LAMA2: variants seen among roughly 807,000 people sequenced by gnomAD.
LAMA2 encodes laminin subunit alpha-2.
LAMA2 carries 269 observed loss-of-function variants against 364.8 expected under a neutral mutation model. The ratio of observed to expected loss-of-function variants is 0.74; its 90% CI spans 0.67 to 0.82. The LOEUF is 0.82. Ranked by LOEUF, LAMA2 falls within the 40% of genes least tolerant of loss-of-function variation. The probability of loss-of-function intolerance (pLI) is 0.00; values close to 1 mark genes in which losing one functional copy is unlikely to be tolerated. For missense variants in LAMA2, 3,807 were observed against 3,873.2 expected, an observed-to-expected ratio of 0.98 and a Z score of 0.45; for synonymous variants, 1,379 against 1,370.6, an observed-to-expected ratio of 1.01 and a Z score of -0.14.
At chr6:129,343,886 TG>T (rs928408419) in intron 30 of LAMA2, among the ~76,000 whole-genome samples, 25 of 152,128 alleles carry the variant, frequency 1.6e-4, no homozygotes, top group African/African-American at 5.6e-4. Flanking sequence ...GGATTTTCAC[TG>T]GTGGGAATAG....
intron 7 of LAMA2, among the ~76,000 whole-genome samples, chr6:129,152,098 A>G (rs1393111088): frequency 6.6e-6 from 1 of 152,244 alleles, no homozygotes; most frequent in African/African-American, 2.4e-5. Context: ...GAGATCTTAC[A>G]TATCAATAAG....
intron 1 of LAMA2, among the ~76,000 whole-genome samples, chr6:128,987,418 G>T (rs2114652333): frequency 6.6e-6 from 1 of 152,206 alleles, no homozygotes; most frequent in South Asian, 2.1e-4. Flanking sequence ...TGGGATTACA[G>T]TTGTGAGCTA....
intron 1 of LAMA2, among the ~76,000 whole-genome samples, chr6:129,022,400 T>C (rs191046194): frequency 1.2e-4 from 18 of 152,292 alleles, no homozygotes; most frequent in African/African-American, 3.1e-4. Context: ...ATTGGCAGGC[T>C]CTCATTGTGT....
chr6:129,071,842 T>C (rs1582988423), intron 3 of LAMA2, among the ~76,000 whole-genome samples: 1 of 152,130 alleles, frequency 6.6e-6, no homozygotes, highest in Non-Finnish European at 1.5e-5. Flanking sequence ...TTGAAAACAA[T>C]GTGGACCAGT....
rs535392800 is a variant in LAMA2, at chr6:129,248,686, A to C, written c.1783-1426A>C. The stretch of plus-strand genomic sequence containing the variant: ...TTCAAACGTATTTATTAATTTAGAA[A>C]ATTCTAAATAGTTCAGTCCTTGTTT... On this transcript the variant is annotated intron_variant, in intron 12 of 64. Coordinates refer to ENST00000421865, the MANE Select transcript of LAMA2 (RefSeq NM_000426.4). Among the ~76,000 whole-genome samples, 3 of 152,332 alleles carry C rather than the reference A, an allele frequency of 2.0e-5. No individual in the cohort carries two copies. In the South Asian group the frequency reaches 6.2e-4, roughly 32 times the overall value.
chr6:129,441,629 T>A (rs777611401), intron 43 of LAMA2, among the ~76,000 whole-genome samples: 1 of 152,072 alleles, frequency 6.6e-6, no homozygotes, highest in Non-Finnish European at 1.5e-5. Context: ...ATTAGTTAAA[T>A]ATAGTCAAAA....
At chr6:129,504,291 G>C (rs961253652) in intron 60 of LAMA2, among the ~76,000 whole-genome samples, 8 of 152,126 alleles carry the variant, frequency 5.3e-5, no homozygotes, top group Non-Finnish European at 1.0e-4. Flanking sequence ...CTAGCTAATA[G>C]AATAATAAAT....
intron 1 of LAMA2, among the ~76,000 whole-genome samples, chr6:128,895,448 T>C (rs7747034): frequency 0.072 from 9,139 of 126,976 alleles, 897 homozygotes; most frequent in African/African-American, 0.24. Context: ...CTGGCTAACA[T>C]GGTGAAACCC....
At chr6:129,297,062 A>G (rs1707671526) in intron 20 of LAMA2, among the ~76,000 whole-genome samples, 1 of 152,196 alleles carries the variant, frequency 6.6e-6, no homozygotes, top group African/African-American at 2.4e-5. Context: ...CTCACTAATC[A>G]ATTTCAATTG....
chr6:129,499,770 T>C (rs1785479324), intron 58 of LAMA2, among the ~76,000 whole-genome samples: 1 of 152,154 alleles, frequency 6.6e-6, no homozygotes. Context: ...CAGGTTGGAG[T>C]GCAGTGATGC....
At chr6:129,068,190 C>G (rs1383682321) in intron 3 of LAMA2, among the ~76,000 whole-genome samples, 1 of 152,186 alleles carries the variant, frequency 6.6e-6, no homozygotes, top group Non-Finnish European at 1.5e-5. Context: ...ATTTAAGAAT[C>G]TTATTGAATC....
rs770378272 is a variant in LAMA2, at chr6:129,442,186, G to C, written c.6269-877G>C. On this transcript the variant is annotated intron_variant, in intron 43 of 64. Coordinates refer to ENST00000421865, the MANE Select transcript of LAMA2 (RefSeq NM_000426.4). ...GCCATAAAATTCAAATGCTGTTTGA[G>C]TGGGGAATGGAGCCTGATTTCAGCA... 15 of 1,317,354 alleles carry C rather than the reference G, an allele frequency of 1.1e-5. No homozygotes were observed. The East Asian group carries it at 7.0e-4, about 61-fold the overall frequency. 81.6% of individuals were successfully genotyped at this position (1,317,354 alleles called of 1,614,324 possible). A position where few individuals can be genotyped will look rare whatever the true frequency, so the allele number is the denominator to read the frequency against.
intron 8 of LAMA2, among the ~76,000 whole-genome samples, chr6:129,163,995 T>C (rs1281878018): frequency 6.6e-6 from 1 of 152,208 alleles, no homozygotes; most frequent in African/African-American, 2.4e-5. Context: ...TTTCAATATC[T>C]GGGTCACCTC....
chr6:129,243,694 T>C (rs968460999), intron 12 of LAMA2, among the ~76,000 whole-genome samples: 2 of 151,886 alleles, frequency 1.3e-5, no homozygotes, highest in Non-Finnish European at 2.9e-5. Context: ...GGTTATCTTA[T>C]CAGGTTAAAC....
chr6:128,899,208 G>C (rs988126916), intron 1 of LAMA2, among the ~76,000 whole-genome samples: 3 of 152,124 alleles, frequency 2.0e-5, no homozygotes, highest in African/African-American at 7.2e-5. Context: ...ATTAACACAT[G>C]GCTGTGTTCA....
chr6:129,140,478 C>T (rs1242273123), intron 4 of LAMA2, among the ~76,000 whole-genome samples: 1 of 152,046 alleles, frequency 6.6e-6, no homozygotes, highest in African/African-American at 2.4e-5. Flanking sequence ...CATGAACATA[C>T]ACCCACCAAC....
chr6:128,942,573 A>G (rs1456626619), intron 1 of LAMA2, among the ~76,000 whole-genome samples: 1 of 152,184 alleles, frequency 6.6e-6, no homozygotes, highest in African/African-American at 2.4e-5. Flanking sequence ...CACTGTTGTC[A>G]TGGAGATTAA....
At position 129,491,980 on chromosome 6, in the gene LAMA2, C is replaced by A. The variant is rs201587923; in HGVS notation, c.7978C>A (p.Leu2660Ile). 197 of 1,613,896 alleles carry A rather than the reference C, an allele frequency of 1.2e-4. No homozygotes were observed. The highest frequency in any genetic ancestry group is 1.6e-4 in the Non-Finnish European group (185 of 1,179,920). The change falls in exon 57 of 65, where the codon CTT becomes ATT. Residue 2660 changes from leucine (L) to isoleucine (I), a missense_variant. Physicochemically the swap from Leu to Ile is conservative, Grantham distance 5. Coordinates refer to ENST00000421865, the MANE Select transcript of LAMA2 (RefSeq NM_000426.4). ...TGAACAGCCTATCGAAGTTAAAAAG[C>A]TTTTCGTTGGGGGTGCTCCACCTGA... The part of the protein sequence containing the change: ...TVEQPIEVKK[L>I]FVGGAPPEFQ...
At chr6:128,984,991 A>G (rs1024184347) in intron 1 of LAMA2, among the ~76,000 whole-genome samples, 8 of 152,168 alleles carry the variant, frequency 5.3e-5, no homozygotes, top group Non-Finnish European at 1.2e-4. Context: ...TATGTCTAAG[A>G]TACGTTATTT....
Sources: allele counts gnomAD v4.1 joint callset (sites outside exome capture counted in the v4.1 genomes callset), GRCh38; gene constraint gnomAD v4.1.1; transcripts MANE v1.5; gene names NCBI Gene and HGNC (gene_info 2026-07-23, HGNC 2026-07-21).